The following PAM variants were observed in gnomAD, a reference collection of about 807,000 sequenced individuals.
PAM encodes peptidylglycine alpha-amidating monooxygenase, also known as peptidyl-glycine alpha-amidating monooxygenase.
A neutral mutation model predicts 122.1 loss-of-function variants in PAM; 72 were observed. That is an observed-to-expected ratio of 0.59 (90% CI 0.49 to 0.72). The LOEUF is 0.72. Ranked by LOEUF, PAM falls within the 30% of genes least tolerant of loss-of-function variation. The probability of loss-of-function intolerance (pLI) is 0.00; values close to 1 mark genes in which losing one functional copy is unlikely to be tolerated. For missense variants in PAM, 1,106 were observed against 1,183.7 expected (o/e 0.93, Z 0.96); for synonymous variants, 389 against 404.4 (o/e 0.96, Z 0.46).
intron 5 of PAM, among the ~76,000 whole-genome samples, chr5:102,914,528 GATATT>G (rs1180375273): frequency 6.6e-6 from 1 of 152,050 alleles, no homozygotes; most frequent in African/African-American, 2.4e-5. Flanking sequence ...TTGATACTCT[GATATT>G]AATTTTTTAA....
At chr5:102,788,059 C>G (rs1561449080) in intron 1 of PAM, among the ~76,000 whole-genome samples, 1 of 152,074 alleles carries the variant, frequency 6.6e-6, no homozygotes, top group Non-Finnish European at 1.5e-5. Context: ...TTTCAGTTCA[C>G]TTGCACTCAC....
At chr5:102,924,304 G>C (rs1748544313) in intron 5 of PAM, among the ~76,000 whole-genome samples, 1 of 151,764 alleles carries the variant, frequency 6.6e-6, no homozygotes. Context: ...ATGGTGGTGG[G>C]CACCTGTAAT....
At chr5:102,947,300 A>T (rs1407289034) in intron 8 of PAM, among the ~76,000 whole-genome samples, 2 of 152,350 alleles carry the variant, frequency 1.3e-5, no homozygotes, top group African/African-American at 4.8e-5. Context: ...AAGCAAAAAA[A>T]GGAAGAGAGG....
At chr5:102,971,512 A>AT (rs1451827869) in intron 14 of PAM, among the ~76,000 whole-genome samples, 1 of 152,156 alleles carries the variant, frequency 6.6e-6, no homozygotes, top group African/African-American at 2.4e-5. Context: ...CCTGAGTTGA[A>AT]TTGTCAAGAA....
Position 102,818,024 on chromosome 5 carries a change from C to CAAA in PAM, c.-373-47778_-373-47776dup, listed in dbSNP as rs753744226. On this transcript the variant is annotated intron_variant, in intron 1 of 25. Transcript: ENST00000438793. ...AAACCTACTTAAACTTTTTTTTTCT[C>CAAA]AAAAAAAAAAAAAAAAAAAAAAAGA... Among the ~76,000 whole-genome samples, 86 of 55,420 alleles carry CAAA rather than the reference C, an allele frequency of 1.6e-3. 2 individuals are homozygous for CAAA. The highest frequency in any genetic ancestry group is 9.3e-3 in the East Asian group (17 of 1,834). 36.4% of individuals were successfully genotyped at this position (55,420 alleles called of 152,430 possible).
At chr5:102,810,549 G>A (rs1466562329) in intron 1 of PAM, among the ~76,000 whole-genome samples, 1 of 152,188 alleles carries the variant, frequency 6.6e-6, no homozygotes, top group East Asian at 1.9e-4. Context: ...AAGAAGTTAA[G>A]GCCAGGTGCA....
At chr5:103,016,781 C>T (rs1782139339) in intron 21 of PAM, among the ~76,000 whole-genome samples, 1 of 152,172 alleles carries the variant, frequency 6.6e-6, no homozygotes, top group South Asian at 2.1e-4. Context: ...CCCCACATTG[C>T]TACGTATCTC....
rs1785829923 is a variant in PAM, at chr5:103,029,038, G to GCCTGCGCTCGCACCTT, written c.2899_2914dup (p.Ser972CysfsTer13). 6.2e-7 allele frequency: 1 copy of GCCTGCGCTCGCACCTT among 1,611,382 alleles called. No homozygotes were observed. The highest frequency in any genetic ancestry group is 8.5e-7 in the Non-Finnish European group (1 of 1,179,164). On this transcript the variant is annotated frameshift_variant, in exon 26 of 26. Transcript: ENST00000438793. LOFTEE classifies it high-confidence loss of function. The stretch of plus-strand genomic sequence containing the variant: ...CAGAAGAGGAGTATTCAGCACCTCT[G>GCCTGCGCTCGCACCTT]CCTGCGCTCGCACCTTCCTCCTCCT...
At chr5:102,785,395 A>G (rs751558963) in intron 1 of PAM, among the ~76,000 whole-genome samples, 2 of 152,256 alleles carry the variant, frequency 1.3e-5, no homozygotes, top group Non-Finnish European at 2.9e-5. Flanking sequence ...GTGTTTTACA[A>G]AAGAACTTTG....
chr5:102,805,439 G>A (rs1459310552), intron 1 of PAM, among the ~76,000 whole-genome samples: 1 of 152,116 alleles, frequency 6.6e-6, no homozygotes, highest in Non-Finnish European at 1.5e-5. Flanking sequence ...TGTCTTTGAA[G>A]TCTTAGGATC....
intron 1 of PAM, among the ~76,000 whole-genome samples, chr5:102,829,758 T>C (rs1255262953): frequency 6.6e-6 from 1 of 152,206 alleles, no homozygotes; most frequent in Non-Finnish European, 1.5e-5. Context: ...ATACAAATTG[T>C]CTCTGTATAT....
intron 1 of PAM, among the ~76,000 whole-genome samples, chr5:102,764,747 A>G (rs1019775166): frequency 6.6e-6 from 1 of 152,242 alleles, no homozygotes; most frequent in East Asian, 1.9e-4. Flanking sequence ...CACAGCTACT[A>G]GAACAGCTTC....
chr5:102,886,341 A>T (rs1029948913), intron 3 of PAM, among the ~76,000 whole-genome samples: 1 of 152,048 alleles, frequency 6.6e-6, no homozygotes, highest in African/African-American at 2.4e-5. Context: ...TATAATGTAC[A>T]TATGAGTATT....
intron 5 of PAM, among the ~76,000 whole-genome samples, chr5:102,914,861 A>G (rs184185251): frequency 9.8e-4 from 149 of 152,214 alleles, no homozygotes; most frequent in Non-Finnish European, 1.9e-3. Flanking sequence ...ATATTATTAG[A>G]AAGTATTTGA....
chr5:102,864,184 A>AT (rs201056087), intron 1 of PAM, among the ~76,000 whole-genome samples: 4,765 of 133,660 alleles, frequency 0.036, 176 homozygotes, highest in East Asian at 0.14. Context: ...ATATATATAT[A>AT]TTTTTTTTTT....
intron 1 of PAM, among the ~76,000 whole-genome samples, chr5:102,825,350 A>C (rs1024128629): frequency 3.3e-5 from 5 of 152,338 alleles, no homozygotes; most frequent in East Asian, 1.9e-4. Context: ...TGGGTGAGAA[A>C]TTAAATATTG....
chr5:102,832,490 C>T (rs1371856206), intron 1 of PAM, among the ~76,000 whole-genome samples: 3 of 151,798 alleles, frequency 2.0e-5, no homozygotes, highest in African/African-American at 7.3e-5. Context: ...AAATACATAT[C>T]TATGATAAAG....
intron 15 of PAM, chr5:102,987,387 A>G: frequency 6.1e-6 from 2 of 325,230 alleles, no homozygotes; most frequent in Middle Eastern, 4.1e-4. Flanking sequence ...AGAGCCTGGG[A>G]AAGATTCAGG....
At chr5:102,987,977 C>T (rs1009302827) in intron 15 of PAM, among the ~76,000 whole-genome samples, 1 of 152,012 alleles carries the variant, frequency 6.6e-6, no homozygotes, top group Non-Finnish European at 1.5e-5. Flanking sequence ...TGTAATGTAC[C>T]TCAAAATTTT....
Sources: allele counts gnomAD v4.1 joint callset (sites outside exome capture counted in the v4.1 genomes callset), GRCh38; gene constraint gnomAD v4.1.1; transcripts MANE v1.5; gene names NCBI Gene and HGNC (gene_info 2026-07-23, HGNC 2026-07-21).